Variants in EPB41L2 observed in about 807,000 individuals in gnomAD.
The protein encoded by EPB41L2 is erythrocyte membrane protein band 4.1 like 2, also known as band 4.1-like protein 2.
A neutral mutation model predicts 113.0 loss-of-function variants in EPB41L2; 43 were observed. The ratio of observed to expected loss-of-function variants is 0.38; its 90% CI spans 0.30 to 0.49. EPB41L2 has a LOEUF of 0.49. Ranked by LOEUF, EPB41L2 falls within the 20% of genes least tolerant of loss-of-function variation. The probability of loss-of-function intolerance (pLI) is 0.95; values close to 1 mark genes in which losing one functional copy is unlikely to be tolerated. For synonymous variants in EPB41L2, 442 were observed against 436.7 expected, an observed-to-expected ratio of 1.01 and a Z score of -0.15; for missense variants, 1,147 against 1,223.4, an observed-to-expected ratio of 0.94 and a Z score of 0.93.
At chr6:130,992,785 C>T (rs112770728) in intron 1 of EPB41L2, among the ~76,000 whole-genome samples, 4,940 of 152,142 alleles carry the variant, frequency 0.032, 115 homozygotes, top group Non-Finnish European at 0.048. Context: ...GCCACCACGC[C>T]CAGCTAATTT....
chr6:131,017,088 G>A (rs753937834), intron 1 of EPB41L2, among the ~76,000 whole-genome samples: 43 of 152,078 alleles, frequency 2.8e-4, no homozygotes, highest in African/African-American at 4.1e-4. Flanking sequence ...ACTAGGCATC[G>A]GAAATGGTAA....
In EPB41L2 at chr6:130,882,638, G is replaced by C. The variant is rs544896964; in HGVS notation, c.1834-2432C>G. On this transcript the variant is annotated intron_variant, in intron 12 of 19. Coordinates refer to ENST00000337057, the MANE Select transcript of EPB41L2 (RefSeq NM_001431.4). Reference sequence around the variant, plus strand: ...AGCCAGAGGAAGGGAAAAGGCAAGAGAAAAAGGAACTGACTGAGAAGCAGA... The same window carrying C: ...AGCCAGAGGAAGGGAAAAGGCAAGACAAAAAGGAACTGACTGAGAAGCAGA... 8 of 153,092 alleles carry C rather than the reference G, an allele frequency of 5.2e-5. No homozygotes were observed. The South Asian group carries it at 1.5e-3, about 28-fold the overall frequency. 9.5% of individuals were successfully genotyped at this position (153,092 alleles called of 1,614,324 possible). A position where few individuals can be genotyped will look rare whatever the true frequency, so the allele number is the denominator to read the frequency against.
At chr6:130,969,913 A>G (rs1304257823) in intron 1 of EPB41L2, among the ~76,000 whole-genome samples, 1 of 152,182 alleles carries the variant, frequency 6.6e-6, no homozygotes, top group East Asian at 1.9e-4. Context: ...CATATAAAAG[A>G]AACCAACTAG....
At chr6:130,844,845 C>A (rs889707222) in intron 19 of EPB41L2, among the ~76,000 whole-genome samples, 4 of 152,000 alleles carry the variant, frequency 2.6e-5, no homozygotes, top group African/African-American at 9.7e-5. Context: ...GAGTTTGGGA[C>A]CAGCCTGGCC....
At chr6:130,865,431 G>C in intron 17 of EPB41L2, 105 bp downstream of exon 17, 1 of 1,147,218 alleles carries the variant, frequency 8.7e-7, no homozygotes, top group Non-Finnish European at 1.3e-6. Flanking sequence ...CGCTGGCACT[G>C]TCTGTATCTT....
intron 1 of EPB41L2, among the ~76,000 whole-genome samples, chr6:131,031,715 A>G (rs1260090512): frequency 6.6e-6 from 1 of 152,228 alleles, no homozygotes; most frequent in Non-Finnish European, 1.5e-5. Flanking sequence ...AATTGTCACT[A>G]TAAAATGAAT....
intron 1 of EPB41L2, among the ~76,000 whole-genome samples, chr6:131,011,757 T>C (rs1186216865): frequency 2.0e-5 from 3 of 152,164 alleles, no homozygotes; most frequent in Non-Finnish European, 2.9e-5. Flanking sequence ...CCGTGGCTAA[T>C]AGAATGGCAG....
intron 1 of EPB41L2, among the ~76,000 whole-genome samples, chr6:131,028,356 G>C (rs2128747899): frequency 6.6e-6 from 1 of 152,200 alleles, no homozygotes. Context: ...CGAATGGATT[G>C]GGTCATCCCT....
At position 130,880,211 on chromosome 6, in the gene EPB41L2, G is replaced by A. The variant is rs779500567; in HGVS notation, c.1834-5C>T. 3.7e-6 allele frequency: 6 copies of A among 1,601,834 alleles called. No homozygotes were observed. The Admixed American group carries it at 6.7e-5, about 18-fold the overall frequency. ...TTCTACTCTCAAGGAATTTTTCTGT[G>A]AAATTAAATCACACACAGGGGGGAA... is the stretch of plus-strand genomic sequence containing the variant. On this transcript the variant is annotated splice_region_variant and splice_polypyrimidine_tract_variant and intron_variant, in intron 12 of 19. Transcript: ENST00000337057.
At chr6:130,903,314 C>G (rs533594329) in intron 6 of EPB41L2, among the ~76,000 whole-genome samples, 1 of 149,010 alleles carries the variant, frequency 6.7e-6, no homozygotes, top group Non-Finnish European at 1.5e-5. Context: ...TGTGCAGTTA[C>G]AAAAGCTACT....
chr6:130,943,997 A>T (rs1811807641), intron 3 of EPB41L2, among the ~76,000 whole-genome samples: 1 of 152,198 alleles, frequency 6.6e-6, no homozygotes, highest in South Asian at 2.1e-4. Context: ...TCATGCCTAG[A>T]GTTTCACAAT....
intron 1 of EPB41L2, among the ~76,000 whole-genome samples, chr6:131,052,103 A>AT (rs1186363735): frequency 5.9e-5 from 9 of 151,754 alleles, no homozygotes; most frequent in Admixed American, 2.0e-4. Flanking sequence ...CACCCAGCTG[A>AT]TTTTTATATT....
chr6:130,877,095 A>G (rs1019719419), intron 14 of EPB41L2, among the ~76,000 whole-genome samples: 2 of 152,212 alleles, frequency 1.3e-5, no homozygotes, highest in African/African-American at 4.8e-5. Flanking sequence ...CAGTTCAGCA[A>G]TTCTTTTTGC....
intron 8 of EPB41L2, among the ~76,000 whole-genome samples, chr6:130,896,782 A>T (rs549970239): frequency 7.9e-5 from 12 of 152,296 alleles, no homozygotes; most frequent in Non-Finnish European, 1.6e-4. Context: ...AAACTAATGG[A>T]AAGGAGCACC....
intron 1 of EPB41L2, among the ~76,000 whole-genome samples, chr6:131,030,021 A>C (rs1004559237): frequency 2.0e-5 from 3 of 151,870 alleles, no homozygotes; most frequent in African/African-American, 7.3e-5. Flanking sequence ...CACTGTTCGC[A>C]GTTCCTCAAT....
intron 1 of EPB41L2, among the ~76,000 whole-genome samples, chr6:130,978,979 A>G (rs1389910070): frequency 6.6e-6 from 1 of 152,188 alleles, no homozygotes; most frequent in Non-Finnish European, 1.5e-5. Context: ...AGATAAATGC[A>G]TTGTAGAGAA....
chr6:130,929,235 A>C (rs945863217), intron 3 of EPB41L2, among the ~76,000 whole-genome samples: 7 of 152,262 alleles, frequency 4.6e-5, no homozygotes, highest in African/African-American at 1.7e-4. Flanking sequence ...TGTGACTAAC[A>C]GAAATCACAG....
chr6:130,967,767 C>T (rs1775681645), intron 1 of EPB41L2, among the ~76,000 whole-genome samples: 1 of 152,194 alleles, frequency 6.6e-6, no homozygotes, highest in South Asian at 2.1e-4. Flanking sequence ...GAGGGTAAAG[C>T]TTTTGTGCAG....
At chr6:130,993,161 A>T (rs1322750609) in intron 1 of EPB41L2, among the ~76,000 whole-genome samples, 1 of 152,208 alleles carries the variant, frequency 6.6e-6, no homozygotes, top group Middle Eastern at 3.2e-3. Flanking sequence ...TATTACAATT[A>T]AATATTTGAT....
Sources: allele counts gnomAD v4.1 joint callset (sites outside exome capture counted in the v4.1 genomes callset), GRCh38; gene constraint gnomAD v4.1.1; transcripts MANE v1.5; gene names NCBI Gene and HGNC (gene_info 2026-07-23, HGNC 2026-07-21).